NKAIN2: variants seen among roughly 807,000 people sequenced by gnomAD.
The protein encoded by NKAIN2 is sodium/potassium-transporting ATPase subunit beta-1-interacting protein 2.
NKAIN2 carries 14 observed loss-of-function variants against 32.6 expected under a neutral mutation model. The ratio of observed to expected loss-of-function variants is 0.43; its 90% CI spans 0.28 to 0.67. The LOEUF is 0.67. Ranked by LOEUF, NKAIN2 falls within the 30% of genes least tolerant of loss-of-function variation. The pLI, the probability that NKAIN2 is intolerant of heterozygous loss-of-function variation, is 0.17. For synonymous variants in NKAIN2, 80 were observed against 87.2 expected (o/e 0.92, Z 0.46); for missense variants, 198 against 258.3 (o/e 0.77, Z 1.60).
intron 1 of NKAIN2, among the ~76,000 whole-genome samples, chr6:124,241,711 T>C (rs765298388): frequency 2.0e-4 from 31 of 152,202 alleles, no homozygotes; most frequent in Non-Finnish European, 4.3e-4. Flanking sequence ...TTTTTCATTC[T>C]CGTGTTTCCT....
chr6:123,916,515 C>T (rs1371278573), intron 1 of NKAIN2, among the ~76,000 whole-genome samples: 2 of 152,206 alleles, frequency 1.3e-5, no homozygotes, highest in Non-Finnish European at 1.5e-5. Flanking sequence ...CTGCCTGCCT[C>T]GGCCTCCCAA....
Position 124,523,118 on chromosome 6 carries a change from G to A in NKAIN2, c.274-135068G>A, listed in dbSNP as rs1779181904. On this transcript the variant is annotated intron_variant, in intron 3 of 6. Transcript: ENST00000368417. ...AGATCGCGCCACAGCACTCCCGCCT[G>A]GGCGACAGAGCGAGACTCCGTCTCA... Among the ~76,000 whole-genome samples the A allele has an allele frequency of 6.9e-5, 2 of 29,168 alleles. 1 individual carries two copies. Among genetic ancestry groups the A allele is most frequent in the Admixed American group, 1.5e-3 (2 of 1,300 alleles). The allele number at this position is 29,168 out of a possible 152,430, so 19.1% of individuals were successfully genotyped here. A position where few individuals can be genotyped will look rare whatever the true frequency, so the allele number is the denominator to read the frequency against.
intron 3 of NKAIN2, among the ~76,000 whole-genome samples, chr6:124,457,728 C>A (rs1776377268): frequency 6.6e-6 from 1 of 151,930 alleles, no homozygotes; most frequent in Non-Finnish European, 1.5e-5. Context: ...ATGATGGCCC[C>A]ACATACTCAC....
chr6:124,264,292 A>C lies in NKAIN2; in HGVS notation c.55-18713A>C, dbSNP rs372602670. On this transcript the variant is annotated intron_variant, in intron 1 of 6. Transcript: ENST00000368417. Reference sequence around the variant, plus strand: ...AGTACGCAGATGCCTCACCTCAGCAACCACTCCTGTATTCACTCATCTCCT... The same window carrying C: ...AGTACGCAGATGCCTCACCTCAGCACCCACTCCTGTATTCACTCATCTCCT... Among the ~76,000 whole-genome samples the C allele has an allele frequency of 2.7e-4, 41 of 152,214 alleles. No individual in the cohort carries two copies. The South Asian group carries it at 6.4e-3, about 24-fold the overall frequency.
intron 1 of NKAIN2, among the ~76,000 whole-genome samples, chr6:123,829,950 TACCCTTA>T (rs1345863316): frequency 1.3e-5 from 2 of 152,234 alleles, no homozygotes; most frequent in African/African-American, 2.4e-5. Flanking sequence ...GACATCCTCT[TACCCTTA>T]ACCCTTATAT....
intron 1 of NKAIN2, among the ~76,000 whole-genome samples, chr6:123,830,808 A>G (rs1019893266): frequency 3.9e-5 from 6 of 152,226 alleles, no homozygotes; most frequent in African/African-American, 1.4e-4. Flanking sequence ...TGTGTATCAC[A>G]GTACCTGGCA....
intron 3 of NKAIN2, among the ~76,000 whole-genome samples, chr6:124,578,856 G>A (rs535070411): frequency 1.3e-5 from 2 of 152,108 alleles, no homozygotes; most frequent in African/African-American, 4.8e-5. Flanking sequence ...GCAGCTCAGC[G>A]CAGAAAGAGA....
intron 1 of NKAIN2, among the ~76,000 whole-genome samples, chr6:124,223,680 ATTTG>A (rs1335837938): frequency 6.6e-6 from 1 of 152,004 alleles, no homozygotes; most frequent in Non-Finnish European, 1.5e-5. Flanking sequence ...CATTTTCTTG[ATTTG>A]TTTATTTTGT....
chr6:123,925,552 T>C (rs895659371), intron 1 of NKAIN2, among the ~76,000 whole-genome samples: 4 of 152,204 alleles, frequency 2.6e-5, no homozygotes, highest in African/African-American at 9.7e-5. Flanking sequence ...CCTGTTTTGT[T>C]ATACATTACA....
chr6:124,076,430 G>T (rs1783698642), intron 1 of NKAIN2, among the ~76,000 whole-genome samples: 2 of 152,144 alleles, frequency 1.3e-5, no homozygotes, highest in African/African-American at 4.8e-5. Context: ...TTTTTCTGGT[G>T]ACATAGATAA....
chr6:124,568,531 T>C (rs954414443), intron 3 of NKAIN2, among the ~76,000 whole-genome samples: 46 of 152,050 alleles, frequency 3.0e-4, no homozygotes, highest in Non-Finnish European at 1.2e-4. Flanking sequence ...TTCCCTGGGG[T>C]CAATTAATAT....
chr6:123,937,522 T>C (rs968414586), intron 1 of NKAIN2, among the ~76,000 whole-genome samples: 4 of 152,152 alleles, frequency 2.6e-5, no homozygotes, highest in Non-Finnish European at 5.9e-5. Context: ...TACGACTGCG[T>C]GTGAAAAGAA....
chr6:124,359,949 C>G (rs1329794712), intron 3 of NKAIN2, among the ~76,000 whole-genome samples: 2 of 152,138 alleles, frequency 1.3e-5, no homozygotes, highest in African/African-American at 4.8e-5. Flanking sequence ...TATGTCCCAT[C>G]AATACCTAAT....
At chr6:124,735,420 T>G (rs371353688) in intron 4 of NKAIN2, among the ~76,000 whole-genome samples, 1 of 152,006 alleles carries the variant, frequency 6.6e-6, no homozygotes, top group Non-Finnish European at 1.5e-5. Context: ...ATAATTACTT[T>G]ATAAATTTTA....
At chr6:124,016,463 T>G (rs1410420538) in intron 1 of NKAIN2, among the ~76,000 whole-genome samples, 3 of 152,242 alleles carry the variant, frequency 2.0e-5, no homozygotes, top group African/African-American at 7.2e-5. Flanking sequence ...TGAACTGCTG[T>G]ATGAATTCAT....
chr6:124,232,950 T>C (rs1792536691), intron 1 of NKAIN2, among the ~76,000 whole-genome samples: 1 of 152,086 alleles, frequency 6.6e-6, no homozygotes, highest in African/African-American at 2.4e-5. Flanking sequence ...ATTGCAACCC[T>C]TATATGCTGA....
chr6:124,424,183 C>T (rs1382548506), intron 3 of NKAIN2, among the ~76,000 whole-genome samples: 53 of 151,892 alleles, frequency 3.5e-4, no homozygotes, highest in Admixed American at 3.3e-3. Context: ...TTAGTAGAGA[C>T]GGGGTTTCAC....
At chr6:124,716,721 C>A (rs769172834) in intron 4 of NKAIN2, among the ~76,000 whole-genome samples, 27 of 152,286 alleles carry the variant, frequency 1.8e-4, no homozygotes, top group Middle Eastern at 3.4e-3. Flanking sequence ...TCCTGATTAA[C>A]CCCCATAGCT....
At chr6:124,563,050 CT>C (rs2114898115) in intron 3 of NKAIN2, among the ~76,000 whole-genome samples, 1 of 151,896 alleles carries the variant, frequency 6.6e-6, no homozygotes, top group African/African-American at 2.4e-5. Flanking sequence ...GATTAAGACG[CT>C]CTCTACCATG....
Sources: allele counts gnomAD v4.1 joint callset (sites outside exome capture counted in the v4.1 genomes callset), GRCh38; gene constraint gnomAD v4.1.1; transcripts MANE v1.5; gene names NCBI Gene and HGNC (gene_info 2026-07-23, HGNC 2026-07-21).